Variants in CNOT2 observed in about 807,000 individuals in gnomAD.
CNOT2 encodes CCR4-NOT transcription complex subunit 2.
In CNOT2, 7 loss-of-function variants were observed where a neutral mutation model predicts 72.1. The ratio of observed to expected loss-of-function variants is 0.10; its 90% CI spans 0.06 to 0.18. The LOEUF (loss-of-function observed/expected upper bound fraction) is 0.18, where lower values mean the gene tolerates loss of function less well. Among genes scored for constraint, CNOT2 ranks in the 10% least tolerant of loss-of-function variants. CNOT2 has a pLI of 1.00. For synonymous variants in CNOT2, 196 were observed against 225.6 expected (o/e 0.87, Z 1.17); for missense variants, 345 against 660.3 (o/e 0.52, Z 5.23).
At chr12:70,266,497 C>T (rs1407805732) in intron 1 of CNOT2, among the ~76,000 whole-genome samples, 3 of 152,114 alleles carry the variant, frequency 2.0e-5, no homozygotes, top group Non-Finnish European at 4.4e-5. Context: ...TGTATCCTTG[C>T]TGACTTTTGT....
At chr12:70,271,436 C>T (rs1305042861) in intron 1 of CNOT2, among the ~76,000 whole-genome samples, 3 of 139,818 alleles carry the variant, frequency 2.1e-5, no homozygotes, top group Admixed American at 7.6e-5. Context: ...TGCAGTGGCA[C>T]AATCTCAGCT....
chr12:70,335,578 T>A lies in CNOT2; in HGVS notation c.775+15T>A. On this transcript the variant is annotated intron_variant, in intron 8 of 15. Coordinates refer to ENST00000229195, the MANE Select transcript of CNOT2 (RefSeq NM_014515.7). ...AGCTCCTTATGGTAATTAAGCTTTT[T>A]AATGATGGCCAGTAGAAAGTTTCCA... The A allele has an allele frequency of 6.2e-7, 1 of 1,601,500 alleles. No individual in the cohort carries two copies. Among genetic ancestry groups the A allele is most frequent in the Non-Finnish European group, 8.5e-7 (1 of 1,169,808 alleles).
chr12:70,340,046 C>T (rs1394606034), intron 11 of CNOT2, among the ~76,000 whole-genome samples: 1 of 152,168 alleles, frequency 6.6e-6, no homozygotes, highest in Non-Finnish European at 1.5e-5. Flanking sequence ...CCGTAAGTTA[C>T]TTTCCCATTT....
At chr12:70,344,097 TATTTCAGA>T (rs1203918462) in intron 13 of CNOT2, 23 bp from the exon 14 acceptor site, 1 of 1,479,868 alleles carries the variant, frequency 6.8e-7, no homozygotes, top group Non-Finnish European at 9.3e-7. Flanking sequence ...ATTTGTTTTA[TATTTCAGA>T]ATAAGTTATT....
intron 2 of CNOT2, among the ~76,000 whole-genome samples, chr12:70,306,679 G>T (rs1232250882): frequency 6.6e-6 from 1 of 152,172 alleles, no homozygotes; most frequent in Admixed American, 6.5e-5. Context: ...GTATATATAA[G>T]CCCTTGACTT....
Position 70,342,308 on chromosome 12 carries a change from G to C in CNOT2, c.1290+1G>C. 1 of 1,613,000 alleles carries C rather than the reference G, an allele frequency of 6.2e-7. No individual in the cohort carries two copies. The highest frequency in any genetic ancestry group is 8.5e-7 in the Non-Finnish European group (1 of 1,179,570). ...AACGAACATTCACATTAGGGATAAG[G>C]TGAGTGTAGTTTATTATTCTACTCA... is the stretch of plus-strand genomic sequence containing the variant. On this transcript the variant is annotated splice_donor_variant, in intron 13 of 15. Transcript: ENST00000229195. LOFTEE classifies it high-confidence loss of function.
chr12:70,342,254 C>G lies in CNOT2; in HGVS notation c.1241-4C>G, dbSNP rs150272270. 1 of 1,613,512 alleles carries G rather than the reference C, an allele frequency of 6.2e-7. No individual in the cohort carries two copies. The highest frequency in any genetic ancestry group is 1.3e-5 in the African/African-American group (1 of 74,880). On this transcript the variant is annotated splice_region_variant and splice_polypyrimidine_tract_variant and intron_variant, in intron 12 of 15. Transcript: ENST00000229195. ...AATAAGGCTTTTTTCATTTTATTAT[C>G]CAGACTTCCATGTTCCATCTGAGTA... is the stretch of plus-strand genomic sequence containing the variant.
intron 8 of CNOT2, 60 bp downstream of exon 8, chr12:70,335,623 T>C (rs1880574888): frequency 5.6e-6 from 7 of 1,248,912 alleles, no homozygotes; most frequent in Middle Eastern, 1.9e-4. Context: ...CACACACATA[T>C]ACATTTACAT....
chr12:70,343,538 C>A (rs1353143864), intron 13 of CNOT2, among the ~76,000 whole-genome samples: 2 of 152,156 alleles, frequency 1.3e-5, no homozygotes, highest in Non-Finnish European at 1.5e-5. Flanking sequence ...CTGTGATTTG[C>A]TGAAAGCATA....
intron 1 of CNOT2, among the ~76,000 whole-genome samples, chr12:70,251,373 T>A (rs974176576): frequency 1.9e-4 from 29 of 152,120 alleles, no homozygotes; most frequent in African/African-American, 7.0e-4. Context: ...ATCAGCATTG[T>A]AAATGCACAA....
chr12:70,349,464 T>C (rs1882601848), intron 15 of CNOT2, among the ~76,000 whole-genome samples: 1 of 152,180 alleles, frequency 6.6e-6, no homozygotes, highest in Admixed American at 6.5e-5. Context: ...TGAAAGGTAC[T>C]GAACTGGTCT....
Position 70,354,080 on chromosome 12 carries a change from C to A in CNOT2, c.*165C>A. 1 of 1,253,796 alleles carries A rather than the reference C, an allele frequency of 8.0e-7. No individual in the cohort carries two copies. The highest frequency in any genetic ancestry group is 1.0e-6 in the Non-Finnish European group (1 of 957,642). 77.7% of individuals were successfully genotyped at this position (1,253,796 alleles called of 1,614,324 possible). On this transcript the variant is annotated 3_prime_UTR_variant, in exon 16 of 16. Coordinates refer to ENST00000229195, the MANE Select transcript of CNOT2 (RefSeq NM_014515.7). ...CAAAAGGTCACCATTTGAGGTCCTG[C>A]CTTACTAATTATGTGCTGCCCAACA... is the stretch of plus-strand genomic sequence containing the variant.
chr12:70,278,881 C>T (rs1869334646), intron 2 of CNOT2, among the ~76,000 whole-genome samples: 1 of 152,072 alleles, frequency 6.6e-6, no homozygotes, highest in South Asian at 2.1e-4. Context: ...ATTGCTATTT[C>T]TGAGCTTTGA....
chr12:70,256,608 TA>T (rs779262324), intron 1 of CNOT2, among the ~76,000 whole-genome samples: 133 of 140,626 alleles, frequency 9.5e-4, no homozygotes, highest in Non-Finnish European at 1.5e-3. Flanking sequence ...AAAAAAGTGG[TA>T]ATAGCATATA....
At chr12:70,265,624 A>G (rs1182737851) in intron 1 of CNOT2, among the ~76,000 whole-genome samples, 1 of 150,148 alleles carries the variant, frequency 6.7e-6, no homozygotes, top group Non-Finnish European at 1.5e-5. Flanking sequence ...TCTTTTTTTC[A>G]ATTTCTGTGT....
chr12:70,337,378 T>C lies in CNOT2; in HGVS notation c.776-11T>C. 3 of 1,601,016 alleles carry C rather than the reference T, an allele frequency of 1.9e-6. No individual in the cohort carries two copies. The highest frequency in any genetic ancestry group is 2.7e-5 in the African/African-American group (2 of 74,712). ...TCAATTGCAATTCTCCGGATTATTT[T>C]CATTACATAGTTGGAATGGTAACAA... On this transcript the variant is annotated splice_polypyrimidine_tract_variant and intron_variant, in intron 8 of 15. Transcript: ENST00000229195.
At chr12:70,261,324 T>A in intron 1 of CNOT2, among the ~76,000 whole-genome samples, 1 of 130,232 alleles carries the variant, frequency 7.7e-6, no homozygotes, top group Non-Finnish European at 1.6e-5. Context: ...TTTTTTTTTT[T>A]TTTTTTTTGA....
At chr12:70,265,321 T>TTCTCTTCTCTTCTCTTCTCG (rs796521434) in intron 1 of CNOT2, among the ~76,000 whole-genome samples, 2,419 of 146,780 alleles carry the variant, frequency 0.016, 28 homozygotes, top group East Asian at 0.048. Flanking sequence ...TTCTCTTCTC[T>TTCTCTTCTCTTCTCTTCTCG]TCTCTTTCTT....
intron 1 of CNOT2, among the ~76,000 whole-genome samples, chr12:70,266,587 T>A (rs1047208555): frequency 6.6e-6 from 1 of 152,226 alleles, no homozygotes; most frequent in Non-Finnish European, 1.5e-5. Context: ...CCTTTCAGGC[T>A]TATTAGTTTT....
Sources: gnomAD v4.1 joint callset for allele counts (sites outside exome capture counted in the v4.1 genomes callset) on GRCh38, gnomAD v4.1.1 for gene constraint, MANE v1.5 for transcripts, NCBI Gene and HGNC (gene_info 2026-07-23, HGNC 2026-07-21) for gene names.